Variants in BTNL8 observed in about 807,000 individuals in gnomAD.
BTNL8 encodes butyrophilin like 8, also known as butyrophilin-like protein 8.
In BTNL8, 22 loss-of-function variants were observed where a neutral mutation model predicts 36.1. That is an observed-to-expected ratio of 0.61 (90% CI 0.44 to 0.87). The LOEUF (loss-of-function observed/expected upper bound fraction) is 0.87. Among genes scored for constraint, BTNL8 ranks in the 40% least tolerant of loss-of-function variants. The pLI is 0.00. For missense variants in BTNL8, 526 were observed against 616.9 expected (o/e 0.85, Z 1.56); for synonymous variants, 203 against 235.6 (o/e 0.86, Z 1.27).
At chr5:180,930,505 A>T (rs1758321045) in intron 3 of BTNL8, among the ~76,000 whole-genome samples, 1 of 152,214 alleles carries the variant, frequency 6.6e-6, no homozygotes, top group Admixed American at 6.5e-5. Flanking sequence ...AAATAGGAAG[A>T]GAGGAAGTCA....
intron 3 of BTNL8, among the ~76,000 whole-genome samples, chr5:180,925,699 T>C (rs1246602738): frequency 1.3e-5 from 2 of 152,102 alleles, no homozygotes. Flanking sequence ...CAAAAACATA[T>C]GGAAGTAAAA....
chr5:180,946,300 A>T (rs143041245), intron 3 of BTNL8, among the ~76,000 whole-genome samples: 55 of 152,314 alleles, frequency 3.6e-4, no homozygotes, highest in African/African-American at 1.3e-3. Context: ...ATGAAAATGG[A>T]TTGTAATCAA....
At chr5:180,908,285 C>A (rs561916928) in intron 1 of BTNL8, among the ~76,000 whole-genome samples, 7 of 152,072 alleles carry the variant, frequency 4.6e-5, no homozygotes, top group Non-Finnish European at 8.8e-5. Flanking sequence ...CAGGTGCGTC[C>A]GTCACCCCTT....
intron 3 of BTNL8, among the ~76,000 whole-genome samples, chr5:180,915,768 G>C (rs1757600359): frequency 6.6e-6 from 1 of 152,176 alleles, no homozygotes; most frequent in Non-Finnish European, 1.5e-5. Context: ...TACACTAACA[G>C]AATGAAAGAC....
intron 3 of BTNL8, among the ~76,000 whole-genome samples, chr5:180,921,660 TACACAC>T (rs201708722): frequency 0.11 from 15,400 of 146,242 alleles, 854 homozygotes; most frequent in Middle Eastern, 0.18. Context: ...CTGCTCATAC[TACACAC>T]ACACACACAC....
intron 3 of BTNL8, among the ~76,000 whole-genome samples, chr5:180,932,213 G>C (rs550681306): frequency 1.3e-5 from 2 of 152,282 alleles, no homozygotes; most frequent in South Asian, 2.1e-4. Flanking sequence ...GTCAGGGTGT[G>C]GGGGGCTAAG....
At chr5:180,902,034 G>A (rs1425682922) in intron 1 of BTNL8, among the ~76,000 whole-genome samples, 1 of 152,132 alleles carries the variant, frequency 6.6e-6, no homozygotes, top group Non-Finnish European at 1.5e-5. Flanking sequence ...TTCCTCTATA[G>A]TAGCCATAAA....
intron 3 of BTNL8, 36 bp downstream of exon 3, chr5:180,911,650 G>T: frequency 6.4e-7 from 1 of 1,562,634 alleles, no homozygotes; most frequent in Non-Finnish European, 8.7e-7. Context: ...AAGGAGGGGT[G>T]GATGCTTCGG....
intron 3 of BTNL8, among the ~76,000 whole-genome samples, chr5:180,938,802 A>G (rs900223704): frequency 1.4e-4 from 21 of 152,228 alleles, no homozygotes; most frequent in Admixed American, 4.6e-4. Flanking sequence ...AGAGAAAGGG[A>G]TACTATGTTC....
intron 3 of BTNL8, among the ~76,000 whole-genome samples, chr5:180,921,570 T>C (rs1757859332): frequency 6.6e-6 from 1 of 151,794 alleles, no homozygotes; most frequent in Non-Finnish European, 1.5e-5. Context: ...GTTCTGGAGA[T>C]CTACTATACA....
At chr5:180,941,039 CG>C (rs1282193009) in intron 3 of BTNL8, among the ~76,000 whole-genome samples, 2 of 147,124 alleles carry the variant, frequency 1.4e-5, no homozygotes, top group African/African-American at 5.0e-5. Flanking sequence ...TGCAGTGAGC[CG>C]AGATTGAGAT....
At chr5:180,908,501 G>C (rs1050559105) in intron 1 of BTNL8, 85 bp from the exon 2 acceptor site, 6 of 1,310,900 alleles carry the variant, frequency 4.6e-6, no homozygotes, top group South Asian at 1.4e-5. Context: ...GCTGTAGACC[G>C]GAGCTGTTCC....
rs759698344 is a variant in BTNL8, at chr5:180,949,992, G to C, written c.951G>C (p.Glu317Asp). The C allele has an allele frequency of 6.8e-7, 1 of 1,462,508 alleles. No individual in the cohort carries two copies. 90.6% of individuals were successfully genotyped at this position (1,462,508 alleles called of 1,614,324 possible). ...KTVTHRKAPQ[E>D]VPHSEKRFTR... ...TAACCCATAGAAAAGCTCCCCAGGA[G>C]GTGCCTCACTCTGAGAAGAGATTTA... is the stretch of plus-strand genomic sequence containing the variant. Residue 317 changes from glutamate to aspartate, a missense_variant, in exon 8 of 8, where the codon GAG (glutamate) becomes GAC (aspartate). Around this residue, in one of 2 missense-constraint regions of BTNL8, gnomAD observed 176 missense variants for 292.3 expected, o/e 0.60. Coordinates refer to ENST00000340184, the MANE Select transcript of BTNL8 (RefSeq NM_001040462.3).
chr5:180,949,449 G>T, intron 7 of BTNL8, 184 bp downstream of exon 7: 2 of 961,498 alleles, frequency 2.1e-6, no homozygotes, highest in Non-Finnish European at 3.0e-6. Flanking sequence ...CTTTCCCTTG[G>T]TCTAGAAGGG....
intron 1 of BTNL8, among the ~76,000 whole-genome samples, chr5:180,906,400 T>C (rs1275213809): frequency 8.2e-6 from 1 of 121,248 alleles, no homozygotes; most frequent in African/African-American, 4.2e-5. Context: ...TCCTTTTATT[T>C]TGAGCCTATG....
At chr5:180,910,706 C>T (rs764416647) in intron 2 of BTNL8, among the ~76,000 whole-genome samples, 5 of 152,188 alleles carry the variant, frequency 3.3e-5, no homozygotes, top group African/African-American at 4.8e-5. Flanking sequence ...GCTGCCATTC[C>T]CCCATGACAG....
Position 180,950,134 on chromosome 5 carries a change from A to G in BTNL8, c.1093A>G (p.Arg365Gly), listed in dbSNP as rs746102922. The change falls in exon 8 of 8, where the codon AGG (arginine) becomes GGG (glycine). Residue 365 changes from arginine to glycine, a missense_variant. Physicochemically the swap from Arg to Gly is moderately radical, Grantham distance 125. Transcript: ENST00000340184. ...VGVCRDDVDRRKEYVTLSPDH... is the reference protein window; with the variant it reads ...VGVCRDDVDRGKEYVTLSPDH... ...AGTGTGCCGGGATGATGTGGACAGGAGGAAGGAGTACGTGACTTTGTCTCC... is the reference window on the plus strand; with the variant it reads ...AGTGTGCCGGGATGATGTGGACAGGGGGAAGGAGTACGTGACTTTGTCTCC... 3.4e-6 allele frequency: 5 copies of G among 1,462,596 alleles called. 1 individual carries two copies. Among genetic ancestry groups the G allele is most frequent in the Non-Finnish European group, 3.8e-6 (4 of 1,058,754 alleles). The allele number at this position is 1,462,596 out of a possible 1,614,324, so 90.6% of individuals were successfully genotyped here.
intron 3 of BTNL8, among the ~76,000 whole-genome samples, chr5:180,922,854 C>T (rs1018590782): frequency 6.6e-6 from 1 of 152,006 alleles, no homozygotes; most frequent in Non-Finnish European, 1.5e-5. Flanking sequence ...CAAGAACTTG[C>T]TTTATGAATC....
chr5:180,906,637 G>T (rs1582008589), intron 1 of BTNL8, among the ~76,000 whole-genome samples: 1 of 118,314 alleles, frequency 8.5e-6, no homozygotes, highest in Non-Finnish European at 1.7e-5. Flanking sequence ...TTACATTTTG[G>T]CATGATTTTG....
Sources: allele counts gnomAD v4.1 joint callset (sites outside exome capture counted in the v4.1 genomes callset), GRCh38; gene constraint gnomAD v4.1.1; regional missense constraint gnomAD v4.1.1; transcripts MANE v1.5; gene names NCBI Gene and HGNC (gene_info 2026-07-23, HGNC 2026-07-21).